Variants in IGSF21 observed in about 807,000 individuals in gnomAD.
The protein encoded by IGSF21 is immunoglobin superfamily member 21.
In IGSF21, 28 loss-of-function variants were observed where a neutral mutation model predicts 46.8. That is an observed-to-expected ratio of 0.60 (90% CI 0.44 to 0.82). The LOEUF (loss-of-function observed/expected upper bound fraction) is 0.82. Ranked by LOEUF, IGSF21 falls within the 40% of genes least tolerant of loss-of-function variation. The probability of loss-of-function intolerance (pLI) is 0.00; values close to 1 mark genes in which losing one functional copy is unlikely to be tolerated. For synonymous variants in IGSF21, 284 were observed against 273.6 expected (o/e 1.04, Z -0.38); for missense variants, 624 against 665.5 (o/e 0.94, Z 0.69).
At chr1:18,278,508 T>C (rs2085125882) in intron 2 of IGSF21, among the ~76,000 whole-genome samples, 1 of 151,400 alleles carries the variant, frequency 6.6e-6, no homozygotes, top group Non-Finnish European at 1.5e-5. Context: ...CCCAAAGTGC[T>C]GGGATTACAG....
At chr1:18,339,360 C>T (rs2085804646) in intron 4 of IGSF21, among the ~76,000 whole-genome samples, 1 of 152,210 alleles carries the variant, frequency 6.6e-6, no homozygotes, top group African/African-American at 2.4e-5. Context: ...TCACACAAAC[C>T]TCAAACAAGC....
intron 3 of IGSF21, among the ~76,000 whole-genome samples, chr1:18,293,048 TA>T (rs1392959360): frequency 6.6e-6 from 1 of 152,220 alleles, no homozygotes; most frequent in Non-Finnish European, 1.5e-5. Context: ...GGCACCATGC[TA>T]TGTGGATGTC....
At chr1:18,261,042 T>A (rs1230200949) in intron 2 of IGSF21, among the ~76,000 whole-genome samples, 1 of 152,204 alleles carries the variant, frequency 6.6e-6, no homozygotes, top group Non-Finnish European at 1.5e-5. Context: ...TAATCAGTCC[T>A]ATCTCTTGTA....
intron 1 of IGSF21, among the ~76,000 whole-genome samples, chr1:18,173,526 C>A (rs1382249342): frequency 2.0e-5 from 3 of 152,114 alleles, no homozygotes; most frequent in Non-Finnish European, 4.4e-5. Context: ...GCTTCCTGTC[C>A]CTGCAGTTTG....
intron 2 of IGSF21, among the ~76,000 whole-genome samples, chr1:18,287,178 C>A (rs1447185954): frequency 2.3e-5 from 1 of 42,646 alleles, no homozygotes; most frequent in Admixed American, 3.1e-4. Context: ...GAGACTCCGT[C>A]TCAAAAAAAA....
chr1:18,259,934 G>A (rs2084930894), intron 2 of IGSF21, among the ~76,000 whole-genome samples: 1 of 152,176 alleles, frequency 6.6e-6, no homozygotes, highest in Non-Finnish European at 1.5e-5. Flanking sequence ...GACAAACCTG[G>A]GTTAAAACTC....
At chr1:18,338,552 A>C (rs1263430593) in intron 4 of IGSF21, among the ~76,000 whole-genome samples, 1 of 152,198 alleles carries the variant, frequency 6.6e-6, no homozygotes, top group Non-Finnish European at 1.5e-5. Flanking sequence ...CACCTGCCTC[A>C]AAGCACAGAG....
intron 1 of IGSF21, among the ~76,000 whole-genome samples, chr1:18,150,164 G>A (rs541030993): frequency 3.3e-4 from 51 of 152,240 alleles, no homozygotes; most frequent in African/African-American, 1.2e-3. Flanking sequence ...GAGGTGGGAG[G>A]ATTGCTTCAG....
At position 18,368,706 on chromosome 1, in the gene IGSF21, G is replaced by A. The variant is rs185731546; in HGVS notation, c.1015+3009G>A. ...GGCCTCTTCCTCCCCTGACAGAGCA[G>A]CCTCCACCCTTTACCTGGTTGCTTC... On this transcript the variant is annotated intron_variant, in intron 6 of 9. Transcript: ENST00000251296. 3.7e-4 allele frequency among the ~76,000 whole-genome samples: 57 copies of A among 152,172 alleles called. 1 individual carries two copies. Among genetic ancestry groups the A allele is most frequent in the Non-Finnish European group, 6.3e-4 (43 of 68,008 alleles).
Position 18,365,768 on chromosome 1 carries a change from T to C in IGSF21, c.1015+71T>C. Reference sequence around the variant, plus strand: ...GTGTGGGGAGAGCCTTGGAATAGGGTTCCTGGGCTGAGGACAGCCATGGAA... The same window carrying C: ...GTGTGGGGAGAGCCTTGGAATAGGGCTCCTGGGCTGAGGACAGCCATGGAA... On this transcript the variant is annotated intron_variant, in intron 6 of 9. Coordinates refer to ENST00000251296, the MANE Select transcript of IGSF21 (RefSeq NM_032880.5). This position sits in a 1 kb window ranked among gnomAD's most constrained non-coding sequence, Gnocchi z 4.8. The C allele has an allele frequency of 1.5e-6, 2 of 1,318,668 alleles. No individual in the cohort carries two copies. Among genetic ancestry groups the C allele is most frequent in the Non-Finnish European group, 2.1e-6 (2 of 952,504 alleles). 81.7% of individuals were successfully genotyped at this position (1,318,668 alleles called of 1,614,324 possible). A position where few individuals can be genotyped will look rare whatever the true frequency, so the allele number is the denominator to read the frequency against.
chr1:18,167,546 G>C (rs1221189894), intron 1 of IGSF21, among the ~76,000 whole-genome samples: 4 of 152,092 alleles, frequency 2.6e-5, no homozygotes, highest in Non-Finnish European at 5.9e-5. Context: ...GAAAGGCTTA[G>C]TGCCCTCCAC....
intron 2 of IGSF21, among the ~76,000 whole-genome samples, chr1:18,275,041 AAC>A (rs1163088870): frequency 7.7e-6 from 1 of 130,298 alleles, no homozygotes; most frequent in Non-Finnish European, 1.6e-5. Context: ...AAAACAAACA[AAC>A]AAAAAAGAAG....
intron 6 of IGSF21, among the ~76,000 whole-genome samples, chr1:18,375,222 A>C (rs772816447): frequency 6.6e-6 from 1 of 152,202 alleles, no homozygotes; most frequent in East Asian, 1.9e-4. Context: ...TGGGAGCTCC[A>C]TGTCAGCAGG....
At position 18,208,038 on chromosome 1, in the gene IGSF21, A is replaced by G. The variant is rs539681817; in HGVS notation, c.71-19860A>G. 2.7e-3 allele frequency among the ~76,000 whole-genome samples: 410 copies of G among 152,204 alleles called. 3 individuals carry two copies. The highest frequency in any genetic ancestry group is 7.9e-3 in the African/African-American group (327 of 41,550). The stretch of plus-strand genomic sequence containing the variant: ...GAATTCGCTTTGACATGCCCCTGGG[A>G]GAGAGATAGGAATTAACAACCACAT... On this transcript the variant is annotated intron_variant, in intron 1 of 9. Transcript: ENST00000251296.
chr1:18,355,876 C>T (rs562686085), intron 4 of IGSF21, among the ~76,000 whole-genome samples: 3 of 140,870 alleles, frequency 2.1e-5, no homozygotes, highest in Non-Finnish European at 3.0e-5. Flanking sequence ...GCTCTTGTTA[C>T]CCAGGCTGCA....
Position 18,322,888 on chromosome 1 carries a change from G to A in IGSF21, c.306-12004G>A, listed in dbSNP as rs904193146. ...GGGAGATGTCGGAATGGGTGAAGGG[G>A]AGCGGGAAGCGATGGGCCAGGAAGT... is the stretch of plus-strand genomic sequence containing the variant. On this transcript the variant is annotated intron_variant, in intron 3 of 9. Coordinates refer to ENST00000251296, the MANE Select transcript of IGSF21 (RefSeq NM_032880.5). This position sits in a 1 kb window ranked among gnomAD's most constrained non-coding sequence, Gnocchi z 4.3. Among the ~76,000 whole-genome samples, 12 of 152,340 alleles carry A rather than the reference G, an allele frequency of 7.9e-5. No homozygotes were observed. The highest frequency in any genetic ancestry group is 1.6e-4 in the Non-Finnish European group (11 of 68,042).
intron 1 of IGSF21, among the ~76,000 whole-genome samples, chr1:18,180,499 T>C (rs1261451900): frequency 6.6e-6 from 1 of 152,178 alleles, no homozygotes; most frequent in Non-Finnish European, 1.5e-5. Flanking sequence ...GGTAGATCAA[T>C]AGCTTCCCTG....
intron 2 of IGSF21, among the ~76,000 whole-genome samples, chr1:18,249,260 G>T (rs2084813518): frequency 1.3e-5 from 2 of 152,170 alleles, no homozygotes; most frequent in African/African-American, 4.8e-5. Context: ...ATTAGGGGAG[G>T]GTGGGAGGTG....
At chr1:18,209,446 T>C (rs1306846100) in intron 1 of IGSF21, among the ~76,000 whole-genome samples, 2 of 151,590 alleles carry the variant, frequency 1.3e-5, no homozygotes, top group African/African-American at 2.4e-5. Flanking sequence ...CCCGCCTTCT[T>C]TTCTTTTCTT....
Sources: allele counts gnomAD v4.1 joint callset (sites outside exome capture counted in the v4.1 genomes callset), GRCh38; gene constraint gnomAD v4.1.1; non-coding constraint Gnocchi (gnomAD v3.1); transcripts MANE v1.5; gene names NCBI Gene and HGNC (gene_info 2026-07-23, HGNC 2026-07-21).